Variants in TAF4B observed in about 807,000 individuals in gnomAD.
The protein encoded by TAF4B is TATA-box binding protein associated factor 4b.
In TAF4B, 38 loss-of-function variants were observed where a neutral mutation model predicts 86.4. The ratio of observed to expected loss-of-function variants is 0.44; its 90% CI spans 0.34 to 0.58. The LOEUF (loss-of-function observed/expected upper bound fraction) is 0.58. TAF4B is among the 20% of genes least tolerant of loss of function. TAF4B has a pLI of 0.02. For missense variants in TAF4B, 988 were observed against 1,027.6 expected, an observed-to-expected ratio of 0.96 and a Z score of 0.53; for synonymous variants, 388 against 391.2, an observed-to-expected ratio of 0.99 and a Z score of 0.10.
At chr18:26,368,760 G>A (rs1186125641) in intron 14 of TAF4B, among the ~76,000 whole-genome samples, 1 of 151,202 alleles carries the variant, frequency 6.6e-6, no homozygotes, top group Non-Finnish European at 1.5e-5. Context: ...GAACAAATCT[G>A]CCTTGCTATT....
intron 14 of TAF4B, among the ~76,000 whole-genome samples, chr18:26,378,771 T>G (rs1318665929): frequency 6.6e-6 from 1 of 152,174 alleles, no homozygotes; most frequent in Non-Finnish European, 1.5e-5. Flanking sequence ...TCTTTCCTGT[T>G]TCAGAACTTT....
intron 1 of TAF4B, among the ~76,000 whole-genome samples, chr18:26,257,530 A>G (rs756885113): frequency 5.3e-5 from 8 of 152,164 alleles, no homozygotes; most frequent in Admixed American, 1.3e-4. Context: ...TTGTACATTC[A>G]CATTTGCATT....
chr18:26,389,935 A>G lies in TAF4B; in HGVS notation c.2512A>G (p.Arg838Gly), dbSNP rs758885132. Residue 838 changes from arginine (R) to glycine (G), a missense_variant, in exon 15 of 15, where the codon AGG becomes GGG. Physicochemically the swap from Arg to Gly is moderately radical, Grantham distance 125. Around this residue, in one of 3 missense-constraint regions of TAF4B, gnomAD observed 216 missense variants for 238.4 expected, o/e 0.91. Coordinates refer to ENST00000269142, the MANE Select transcript of TAF4B (RefSeq NM_005640.3). ...TCCAAGAATCACGAGAATCTGCCTC[A>G]GGGACTTGATATTTTGTATGGAACA... ...HRPRITRICLRDLIFCMEQER... is the reference protein window; with the variant it reads ...HRPRITRICLGDLIFCMEQER... 6.2e-7 allele frequency: 1 copy of G among 1,614,154 alleles called. No individual in the cohort carries two copies. The highest frequency in any genetic ancestry group is 1.1e-5 in the South Asian group (1 of 91,078).
At chr18:26,289,459 CGTTTGTTTT>C (rs780477210) in intron 7 of TAF4B, among the ~76,000 whole-genome samples, 11 of 151,926 alleles carry the variant, frequency 7.2e-5, no homozygotes, top group African/African-American at 2.2e-4. Flanking sequence ...TTCTCATTTG[CGTTTGTTTT>C]GTTTGTTTTG....
intron 13 of TAF4B, among the ~76,000 whole-genome samples, chr18:26,337,781 T>A (rs964863153): frequency 6.6e-6 from 1 of 152,164 alleles, no homozygotes; most frequent in Non-Finnish European, 1.5e-5. Flanking sequence ...GAGGTTAGCA[T>A]TTAGGATGCA....
chr18:26,344,355 CTA>C (rs1352687912), intron 13 of TAF4B, among the ~76,000 whole-genome samples: 2 of 148,244 alleles, frequency 1.3e-5, no homozygotes, highest in Non-Finnish European at 3.0e-5. Context: ...AATAGAAAAA[CTA>C]TTTTTTTTTT....
chr18:26,346,521 T>G (rs1245670398), intron 13 of TAF4B, among the ~76,000 whole-genome samples: 2 of 151,620 alleles, frequency 1.3e-5, no homozygotes, highest in Non-Finnish European at 2.9e-5. Flanking sequence ...CCCAAGTAGA[T>G]TCATCCCAAA....
intron 14 of TAF4B, among the ~76,000 whole-genome samples, chr18:26,383,050 A>G (rs1242843018): frequency 6.6e-6 from 1 of 152,194 alleles, no homozygotes; most frequent in East Asian, 1.9e-4. Flanking sequence ...TGTCTGTATC[A>G]AAAAGGAAAA....
At chr18:26,301,110 T>A (rs1251072105) in intron 9 of TAF4B, among the ~76,000 whole-genome samples, 1 of 152,206 alleles carries the variant, frequency 6.6e-6, no homozygotes, top group African/African-American at 2.4e-5. Context: ...TTTTAAAAAC[T>A]GTTTGTAGAT....
intron 14 of TAF4B, among the ~76,000 whole-genome samples, chr18:26,388,866 A>C (rs557403726): frequency 6.6e-5 from 10 of 152,210 alleles, no homozygotes; most frequent in African/African-American, 2.2e-4. Context: ...CCCAGGCAGG[A>C]ATGCAGTGGC....
In TAF4B at chr18:26,226,659, G is replaced by T; in HGVS notation, c.-275G>T. On this transcript the variant is annotated 5_prime_UTR_variant, in exon 1 of 15. Coordinates refer to ENST00000269142, the MANE Select transcript of TAF4B (RefSeq NM_005640.3). ...GCCTGAGGCGCAGGGCTGAGGCAGC[G>T]CACGTGTGAGCGCCGCTGAGGAAGC... The T allele has an allele frequency of 3.0e-6, 1 of 335,472 alleles. No individual in the cohort carries two copies. The highest frequency in any genetic ancestry group is 4.6e-5 in the East Asian group (1 of 21,696). The allele number at this position is 335,472 out of a possible 1,614,324, so 20.8% of individuals were successfully genotyped here. A position where few individuals can be genotyped will look rare whatever the true frequency, so the allele number is the denominator to read the frequency against.
chr18:26,285,488 T>C (rs2056508566), intron 6 of TAF4B, among the ~76,000 whole-genome samples: 1 of 151,984 alleles, frequency 6.6e-6, no homozygotes, highest in Admixed American at 6.6e-5. Flanking sequence ...CACCTATTTC[T>C]ATCCAAAGTT....
At chr18:26,245,091 G>A (rs1252052834) in intron 1 of TAF4B, among the ~76,000 whole-genome samples, 1 of 152,158 alleles carries the variant, frequency 6.6e-6, no homozygotes, top group Non-Finnish European at 1.5e-5. Context: ...TTCCCAGAAA[G>A]CCTGACACCC....
At chr18:26,308,366 T>G (rs1399032549) in intron 9 of TAF4B, among the ~76,000 whole-genome samples, 1 of 152,158 alleles carries the variant, frequency 6.6e-6, no homozygotes, top group African/African-American at 2.4e-5. Flanking sequence ...CATAGTAAAG[T>G]TATGTTCAGG....
intron 13 of TAF4B, among the ~76,000 whole-genome samples, chr18:26,352,619 T>C (rs531362126): frequency 1.3e-5 from 2 of 152,214 alleles, no homozygotes; most frequent in African/African-American, 4.8e-5. Flanking sequence ...AACCTCTGCC[T>C]CTTGGACTCA....
intron 14 of TAF4B, among the ~76,000 whole-genome samples, chr18:26,358,985 T>C (rs2057310726): frequency 6.6e-6 from 1 of 152,166 alleles, no homozygotes; most frequent in African/African-American, 2.4e-5. Context: ...ATGTAACATA[T>C]GAAATATTCT....
At chr18:26,278,158 T>C (rs1261754703) in intron 5 of TAF4B, among the ~76,000 whole-genome samples, 1 of 152,208 alleles carries the variant, frequency 6.6e-6, no homozygotes, top group African/African-American at 2.4e-5. Context: ...CCTCTGACTT[T>C]GATCTGCAAC....
intron 1 of TAF4B, among the ~76,000 whole-genome samples, chr18:26,250,325 G>C (rs2055987045): frequency 6.6e-6 from 1 of 152,014 alleles, no homozygotes; most frequent in South Asian, 2.1e-4. Context: ...GTGAAACCCT[G>C]TCTCTACTAC....
intron 10 of TAF4B, among the ~76,000 whole-genome samples, chr18:26,317,717 A>G (rs973806323): frequency 2.6e-5 from 4 of 152,190 alleles, no homozygotes; most frequent in African/African-American, 9.6e-5. Context: ...TCTGGTATTC[A>G]GACAGCCATC....
Sources: allele counts gnomAD v4.1 joint callset (sites outside exome capture counted in the v4.1 genomes callset), GRCh38; gene constraint gnomAD v4.1.1; regional missense constraint gnomAD v4.1.1; transcripts MANE v1.5; gene names NCBI Gene and HGNC (gene_info 2026-07-23, HGNC 2026-07-21).